Variants in LUZP2 observed in about 807,000 individuals in gnomAD.
The protein encoded by LUZP2 is leucine zipper protein 2.
A neutral mutation model predicts 51.6 loss-of-function variants in LUZP2; 52 were observed. The ratio of observed to expected loss-of-function variants is 1.01; its 90% CI spans 0.81 to 1.27. The LOEUF is 1.27. Ranked by LOEUF, LUZP2 falls within the 50% of genes most tolerant of loss-of-function variation. The pLI is 0.00. For synonymous variants in LUZP2, 154 were observed against 137.3 expected, an observed-to-expected ratio of 1.12 and a Z score of -0.85; for missense variants, 436 against 395.4, an observed-to-expected ratio of 1.10 and a Z score of -0.87.
intron 9 of LUZP2, among the ~76,000 whole-genome samples, chr11:25,003,151 A>T (rs1395757585): frequency 1.3e-5 from 2 of 152,222 alleles, no homozygotes; most frequent in African/African-American, 4.8e-5. Flanking sequence ...GATCTAGAGT[A>T]GCCTGCTGGC....
chr11:24,966,561 T>C (rs1855586718), intron 7 of LUZP2, among the ~76,000 whole-genome samples: 1 of 149,902 alleles, frequency 6.7e-6, no homozygotes, highest in African/African-American at 2.4e-5. Context: ...TGTTTGTGAA[T>C]AGTGTGAGGA....
chr11:24,627,275 G>T (rs1854714865), intron 1 of LUZP2, among the ~76,000 whole-genome samples: 1 of 152,114 alleles, frequency 6.6e-6, no homozygotes, highest in Non-Finnish European at 1.5e-5. Flanking sequence ...AACAAGATTT[G>T]ACCATAATCA....
At chr11:24,800,192 C>A (rs537563284) in intron 5 of LUZP2, among the ~76,000 whole-genome samples, 95 of 152,174 alleles carry the variant, frequency 6.2e-4, no homozygotes, top group African/African-American at 2.1e-3. Context: ...ACGCTCCATA[C>A]ATGGAAGTGA....
chr11:24,588,833 C>T (rs1853162568), intron 1 of LUZP2, among the ~76,000 whole-genome samples: 1 of 151,732 alleles, frequency 6.6e-6, no homozygotes, highest in Non-Finnish European at 1.5e-5. Context: ...AATAACTTTC[C>T]TAAAATCTCA....
At chr11:24,797,176 A>G (rs1365894538) in intron 5 of LUZP2, among the ~76,000 whole-genome samples, 7 of 152,214 alleles carry the variant, frequency 4.6e-5, no homozygotes, top group Non-Finnish European at 8.8e-5. Flanking sequence ...TAAGAACTGA[A>G]TAACTGTTAG....
At chr11:24,754,185 T>C (rs913071354) in intron 4 of LUZP2, among the ~76,000 whole-genome samples, 1 of 152,134 alleles carries the variant, frequency 6.6e-6, no homozygotes, top group African/African-American at 2.4e-5. Flanking sequence ...TTTGTAGAGA[T>C]GAGGTTTCAC....
intron 7 of LUZP2, among the ~76,000 whole-genome samples, chr11:24,917,076 G>A (rs1448748006): frequency 6.6e-6 from 1 of 152,134 alleles, no homozygotes; most frequent in Non-Finnish European, 1.5e-5. Context: ...GCATTTCTCT[G>A]ATGGCCAGTG....
In LUZP2 at chr11:24,747,524, C is replaced by T. The variant is rs1271310851; in HGVS notation, c.333+9222C>T. 3.3e-5 allele frequency among the ~76,000 whole-genome samples: 5 copies of T among 152,098 alleles called. No homozygotes were observed. In the East Asian group the frequency reaches 7.7e-4, roughly 24 times the overall value. On this transcript the variant is annotated intron_variant, in intron 4 of 11. Coordinates refer to ENST00000336930, the MANE Select transcript of LUZP2 (RefSeq NM_001009909.4). ...CATGTTCTATTTTTGTACTGGTTGG[C>T]CTCCTGCCAGCACGAGGCCCTTTCC...
intron 1 of LUZP2, among the ~76,000 whole-genome samples, chr11:24,580,957 T>C (rs1288395021): frequency 6.6e-6 from 1 of 152,086 alleles, no homozygotes; most frequent in African/African-American, 2.4e-5. Flanking sequence ...AGAAAAAAAC[T>C]ATTTTGTTAT....
intron 9 of LUZP2, among the ~76,000 whole-genome samples, chr11:24,998,096 G>A (rs1310232641): frequency 3.3e-5 from 5 of 152,152 alleles, no homozygotes; most frequent in East Asian, 3.9e-4. Flanking sequence ...TTGACTTGGC[G>A]ATGCGGGCTC....
At chr11:24,563,933 C>T (rs368858599) in intron 1 of LUZP2, among the ~76,000 whole-genome samples, 17 of 152,062 alleles carry the variant, frequency 1.1e-4, no homozygotes, top group African/African-American at 3.9e-4. Context: ...ATATCTTAGT[C>T]TCAAGTCAAC....
At chr11:25,014,125 A>T (rs1225432022) in intron 9 of LUZP2, among the ~76,000 whole-genome samples, 1 of 152,182 alleles carries the variant, frequency 6.6e-6, no homozygotes, top group Non-Finnish European at 1.5e-5. Context: ...TATATGTGCC[A>T]CATTTTCTTA....
At chr11:24,588,856 T>A (rs777873077) in intron 1 of LUZP2, among the ~76,000 whole-genome samples, 25 of 151,420 alleles carry the variant, frequency 1.7e-4, no homozygotes, top group Admixed American at 1.3e-4. Flanking sequence ...AATTTTTTTT[T>A]AAAAAAAGAA....
intron 4 of LUZP2, among the ~76,000 whole-genome samples, chr11:24,742,164 G>A (rs1342009827): frequency 1.3e-5 from 2 of 149,296 alleles, no homozygotes; most frequent in Non-Finnish European, 3.0e-5. Flanking sequence ...ATAAATATAA[G>A]TGTACAAGTA....
At chr11:24,527,514 AGT>A (rs1850843607) in intron 1 of LUZP2, among the ~76,000 whole-genome samples, 1 of 150,986 alleles carries the variant, frequency 6.6e-6, no homozygotes, top group African/African-American at 2.4e-5. Context: ...TGCTAACAAA[AGT>A]GTGAGAATCT....
At chr11:24,681,082 C>G (rs373608123) in intron 1 of LUZP2, among the ~76,000 whole-genome samples, 2 of 151,840 alleles carry the variant, frequency 1.3e-5, no homozygotes, top group East Asian at 3.9e-4. Context: ...CCCGGGTTCA[C>G]GCCATTCTCC....
At chr11:25,017,778 C>T (rs1387592494) in intron 9 of LUZP2, among the ~76,000 whole-genome samples, 1 of 151,892 alleles carries the variant, frequency 6.6e-6, no homozygotes, top group Non-Finnish European at 1.5e-5. Flanking sequence ...ATTTTTGTTC[C>T]ATGTGAATTT....
At chr11:24,888,305 T>C (rs1852735585) in intron 5 of LUZP2, among the ~76,000 whole-genome samples, 1 of 152,110 alleles carries the variant, frequency 6.6e-6, no homozygotes, top group Non-Finnish European at 1.5e-5. Flanking sequence ...AATAAATTCA[T>C]TTATGCATGA....
In LUZP2 at chr11:24,906,035, T is replaced by C. The variant is rs200240072; in HGVS notation, c.441T>C (p.Cys147=). 14 of 1,613,216 alleles carry C rather than the reference T, an allele frequency of 8.7e-6. No individual in the cohort carries two copies. The Admixed American group carries it at 1.7e-4, about 19-fold the overall frequency. ...KNKLLSGNKL[C]GIHAEESKKI... is the part of the protein sequence containing the mutation. ...AACTCTTGTCAGGAAACAAGCTCTGTGGCATTCACGCAGAAGAGGTGAGTA... is the reference window on the plus strand; with the variant it reads ...AACTCTTGTCAGGAAACAAGCTCTGCGGCATTCACGCAGAAGAGGTGAGTA... The change falls in exon 6 of 12, where the codon TGT becomes TGC. Residue 147 remains cysteine (C), a synonymous_variant. Transcript: ENST00000336930.
Sources: allele counts gnomAD v4.1 joint callset (sites outside exome capture counted in the v4.1 genomes callset), GRCh38; gene constraint gnomAD v4.1.1; transcripts MANE v1.5; gene names NCBI Gene and HGNC (gene_info 2026-07-23, HGNC 2026-07-21).